Variants in ABL2 observed in about 807,000 individuals in gnomAD.
The protein encoded by ABL2 is tyrosine-protein kinase ABL2.
Under a neutral mutation model 107.7 loss-of-function variants are expected in ABL2, and 49 were observed. The ratio of observed to expected loss-of-function variants is 0.45; its 90% CI spans 0.36 to 0.58. ABL2 has a LOEUF of 0.58. ABL2 is among the 20% of genes least tolerant of loss of function. The pLI, the probability that ABL2 is intolerant of heterozygous loss-of-function variation, is 0.00. For synonymous variants in ABL2, 549 were observed against 548.6 expected (o/e 1.00, Z -0.01); for missense variants, 1,245 against 1,457.0 (o/e 0.85, Z 2.37).
intron 1 of ABL2, among the ~76,000 whole-genome samples, chr1:179,217,208 C>T (rs1215654249): frequency 1.3e-5 from 2 of 151,874 alleles, no homozygotes; most frequent in South Asian, 2.1e-4. Flanking sequence ...GCAGGAAAAT[C>T]GCTTGAACTC....
chr1:179,211,805 A>AT (rs1442859338), intron 1 of ABL2, among the ~76,000 whole-genome samples: 162 of 151,938 alleles, frequency 1.1e-3, no homozygotes, highest in African/African-American at 3.8e-3. Flanking sequence ...AAAAAAAAAA[A>AT]ATTTAAATAA....
At chr1:179,129,136 T>C (rs1656028788) in intron 3 of ABL2, among the ~76,000 whole-genome samples, 1 of 152,172 alleles carries the variant, frequency 6.6e-6, no homozygotes, top group Non-Finnish European at 1.5e-5. Context: ...GAACCTGATA[T>C]AAAAATTTGG....
At chr1:179,174,701 CT>C (rs1659931713) in intron 1 of ABL2, among the ~76,000 whole-genome samples, 1 of 151,390 alleles carries the variant, frequency 6.6e-6, no homozygotes, top group African/African-American at 2.4e-5. Flanking sequence ...AATCCCAGCC[CT>C]TTGGGAGGTT....
chr1:179,133,411 A>C (rs1656536452), intron 1 of ABL2, 37 bp from the exon 2 acceptor site: 1 of 1,613,836 alleles, frequency 6.2e-7, no homozygotes, highest in Non-Finnish European at 8.5e-7. Context: ...CACTTTTCTT[A>C]AGCTTCTTCA....
chr1:179,160,133 T>C (rs1658973783), intron 1 of ABL2, among the ~76,000 whole-genome samples: 1 of 152,054 alleles, frequency 6.6e-6, no homozygotes, highest in Admixed American at 6.6e-5. Flanking sequence ...AACAAAAACA[T>C]ACATAACTTG....
At chr1:179,137,701 T>C (rs1657164040) in intron 1 of ABL2, 1 of 152,210 alleles carries the variant, frequency 6.6e-6, no homozygotes, top group Non-Finnish European at 1.5e-5. Flanking sequence ...AAACTCAGTA[T>C]ATTAAATTTT....
At chr1:179,127,131 C>A (rs752009385) in intron 3 of ABL2, among the ~76,000 whole-genome samples, 1 of 151,998 alleles carries the variant, frequency 6.6e-6, no homozygotes, top group Non-Finnish European at 1.5e-5. Flanking sequence ...TACAAAGTGA[C>A]TTCTAAATTT....
At chr1:179,156,952 T>G (rs1213708939) in intron 1 of ABL2, among the ~76,000 whole-genome samples, 1 of 152,002 alleles carries the variant, frequency 6.6e-6, no homozygotes, top group Non-Finnish European at 1.5e-5. Context: ...AAATTAATTT[T>G]TAATAGATGC....
At chr1:179,133,271 A>C in intron 2 of ABL2, 41 bp downstream of exon 2, 1 of 1,613,232 alleles carries the variant, frequency 6.2e-7, no homozygotes, top group Non-Finnish European at 8.5e-7. Flanking sequence ...CTCTACTGCC[A>C]ATGCCTTAGT....
intron 1 of ABL2, among the ~76,000 whole-genome samples, chr1:179,151,858 C>T (rs1004082151): frequency 4.1e-4 from 62 of 152,214 alleles, no homozygotes; most frequent in African/African-American, 1.4e-3. Flanking sequence ...AAGTTGTTAT[C>T]ACCCCTGTTG....
chr1:179,173,888 G>C (rs1458321613), intron 1 of ABL2, among the ~76,000 whole-genome samples: 4 of 152,024 alleles, frequency 2.6e-5, no homozygotes, highest in Non-Finnish European at 5.9e-5. Context: ...CTGACTGGAT[G>C]TGACTATATA....
chr1:179,227,663 C>T (rs1419412974), intron 1 of ABL2, among the ~76,000 whole-genome samples: 1 of 152,172 alleles, frequency 6.6e-6, no homozygotes, highest in Non-Finnish European at 1.5e-5. Flanking sequence ...TTCTTCCATC[C>T]TGTGTTTTAG....
rs1412033488 is a variant in ABL2, at chr1:179,126,394, T to C, written c.670A>G (p.Thr224Ala). The C allele has an allele frequency of 6.2e-7, 1 of 1,613,860 alleles. No individual in the cohort carries two copies. Among genetic ancestry groups the C allele is most frequent in the Non-Finnish European group, 8.5e-7 (1 of 1,179,888 alleles). The stretch of plus-strand genomic sequence containing the variant: ...AGTCTTACCTTGCCATCTGCAGTGG[T>C]ATTGATCCTGTAGTGATACACACGT... Reference protein sequence around the residue: ...EGRVYHYRINTTADGKVYVTA... With the variant: ...EGRVYHYRINATADGKVYVTA... Residue 224 changes from threonine (T) to alanine (A), a missense_variant, in exon 4 of 12, where the codon ACC becomes GCC. Physicochemically the swap from Thr to Ala is moderately conservative, Grantham distance 58. Transcript: ENST00000502732. The surrounding 1 kb of genome is among the most constrained non-coding windows in gnomAD (Gnocchi z 4.4).
intron 1 of ABL2, among the ~76,000 whole-genome samples, chr1:179,133,714 T>G (rs1448019483): frequency 6.6e-6 from 1 of 152,218 alleles, no homozygotes; most frequent in Non-Finnish European, 1.5e-5. Context: ...AGACCCCCAG[T>G]GGATGCTTAA....
chr1:179,103,363 C>G lies in ABL2; in HGVS notation c.*4355G>C, dbSNP rs1183169629. 2 of 204,994 alleles carry G rather than the reference C, an allele frequency of 9.8e-6. No homozygotes were observed. Among genetic ancestry groups the G allele is most frequent in the Non-Finnish European group, 2.0e-5 (2 of 100,420 alleles). The allele number at this position is 204,994 out of a possible 1,614,324, so 12.7% of individuals were successfully genotyped here. On this transcript the variant is annotated 3_prime_UTR_variant, in exon 12 of 12. Coordinates refer to ENST00000502732, the MANE Select transcript of ABL2 (RefSeq NM_007314.4). ...ATCCACATTGAATCAACTGTCTTAT[C>G]TTTTAAACAGACAATACTACAACCT...
At chr1:179,143,088 AG>A in intron 1 of ABL2, 11 of 1,600,912 alleles carry the variant, frequency 6.9e-6, no homozygotes, top group Non-Finnish European at 9.4e-6. Flanking sequence ...CTGTGTAAAG[AG>A]GAAGTCTTAG....
chr1:179,137,012 C>T (rs1357499056), intron 1 of ABL2, among the ~76,000 whole-genome samples: 1 of 151,194 alleles, frequency 6.6e-6, no homozygotes, highest in Admixed American at 6.6e-5. Context: ...TTCAGAGTTT[C>T]ATATTCCCTT....
chr1:179,174,909 TAAAATA>T (rs1659952093), intron 1 of ABL2, among the ~76,000 whole-genome samples: 1 of 117,866 alleles, frequency 8.5e-6, no homozygotes, highest in African/African-American at 2.9e-5. Context: ...AAAAAAAAAA[TAAAATA>T]AAAAAAATAA....
intron 3 of ABL2, 94 bp downstream of exon 3, chr1:179,131,217 T>G: frequency 7.2e-7 from 1 of 1,388,608 alleles, no homozygotes; most frequent in Admixed American, 2.2e-5. Context: ...GTGCTGAGAT[T>G]ATAGGTGTGA....
Sources: allele counts gnomAD v4.1 joint callset (sites outside exome capture counted in the v4.1 genomes callset), GRCh38; gene constraint gnomAD v4.1.1; non-coding constraint Gnocchi (gnomAD v3.1); transcripts MANE v1.5; gene names NCBI Gene and HGNC (gene_info 2026-07-23, HGNC 2026-07-21).